Variants in CAMTA2 observed in about 807,000 individuals in gnomAD.
The protein encoded by CAMTA2 is calmodulin-binding transcription activator 2.
A neutral mutation model predicts 135.7 loss-of-function variants in CAMTA2; 56 were observed. The ratio of observed to expected loss-of-function variants is 0.41; its 90% CI spans 0.33 to 0.52. The LOEUF (loss-of-function observed/expected upper bound fraction) is 0.52. Among genes scored for constraint, CAMTA2 ranks in the 20% least tolerant of loss-of-function variants. The pLI, the probability that CAMTA2 is intolerant of heterozygous loss-of-function variation, is 0.16. For synonymous variants in CAMTA2, 591 were observed against 604.6 expected, an observed-to-expected ratio of 0.98 and a Z score of 0.33; for missense variants, 1,358 against 1,553.4, an observed-to-expected ratio of 0.87 and a Z score of 2.11.
rs774165860 is a variant in CAMTA2, at chr17:4,976,077, C to G, written c.1900+981G>C. ...CTGGAGTGCAGTGGCACAATCTTGG[C>G]TCATTGCAACTTCCGCCTCTCGGGT... On this transcript the variant is annotated intron_variant, in intron 11 of 22. Coordinates refer to ENST00000348066, the MANE Select transcript of CAMTA2 (RefSeq NM_015099.4). Among the ~76,000 whole-genome samples, 5 of 152,242 alleles carry G rather than the reference C, an allele frequency of 3.3e-5. No homozygotes were observed. In the East Asian group the frequency reaches 9.7e-4, roughly 30 times the overall value.
At position 4,979,800 on chromosome 17, in the gene CAMTA2, C is replaced by T. The variant is rs368955349; in HGVS notation, c.1522G>A (p.Asp508Asn). 3.7e-6 allele frequency: 6 copies of T among 1,613,712 alleles called. No homozygotes were observed. Among genetic ancestry groups the T allele is most frequent in the Non-Finnish European group, 5.1e-6 (6 of 1,179,894 alleles). ...LEPFSLSSFP[D>N]LMGELISDEA... ...TCACTGATGAGTTCTCCCATAAGGTCTGGGAATGATGAAAGACTGAAGGGC... is the reference window on the plus strand; with the variant it reads ...TCACTGATGAGTTCTCCCATAAGGTTTGGGAATGATGAAAGACTGAAGGGC... The change falls in exon 9 of 23, where the codon GAC becomes AAC. Residue 508 changes from aspartate (D) to asparagine (N), a missense_variant. Physicochemically the swap from Asp to Asn is conservative, Grantham distance 23. Coordinates refer to ENST00000348066, the MANE Select transcript of CAMTA2 (RefSeq NM_015099.4).
At position 4,986,070 on chromosome 17, in the gene CAMTA2, G is replaced by A; in HGVS notation, c.32-87C>T. 14 of 1,136,622 alleles carry A rather than the reference G, an allele frequency of 1.2e-5. 1 individual carries two copies. The South Asian group carries it at 1.7e-4, about 14-fold the overall frequency. The allele number at this position is 1,136,622 out of a possible 1,614,324, so 70.4% of individuals were successfully genotyped here. A position where few individuals can be genotyped will look rare whatever the true frequency, so the allele number is the denominator to read the frequency against. On this transcript the variant is annotated intron_variant, in intron 2 of 22. Coordinates refer to ENST00000348066, the MANE Select transcript of CAMTA2 (RefSeq NM_015099.4). The stretch of plus-strand genomic sequence containing the variant: ...AGGGGAAAGGGCTGAAGGCAATACA[G>A]AGCACTGGGGAAAACTGAAACCTCA...
At chr17:4,985,196 G>A (rs1354895979) in intron 3 of CAMTA2, among the ~76,000 whole-genome samples, 1 of 151,966 alleles carries the variant, frequency 6.6e-6, no homozygotes, top group Non-Finnish European at 1.5e-5. Context: ...CAAAAAAAAA[G>A]GCCCTGGAGT....
In CAMTA2 at chr17:4,981,291, T is replaced by C. The variant is rs1184124701; in HGVS notation, c.634A>G (p.Ile212Val). The change falls in exon 8 of 23, where the codon ATT (isoleucine) becomes GTT (valine). Residue 212 changes from isoleucine (I) to valine (V), a missense_variant. Ile to Val is a conservative substitution (Grantham distance 29, BLOSUM62 3). Around this residue, in one of 4 missense-constraint regions of CAMTA2, gnomAD observed 1,077 missense variants for 1,127.5 expected, o/e 0.96. Transcript: ENST00000348066. ...EFSVEHLVQQILDTHPTKPAP... is the reference protein window; with the variant it reads ...EFSVEHLVQQVLDTHPTKPAP... ...GGCTTGGTTGGGTGGGTGTCCAAAATCTGCTGCACCAGGTGTTCTACAGAG... is the reference window on the plus strand; with the variant it reads ...GGCTTGGTTGGGTGGGTGTCCAAAACCTGCTGCACCAGGTGTTCTACAGAG... 1.2e-6 allele frequency: 2 copies of C among 1,613,994 alleles called. No individual in the cohort carries two copies. The highest frequency in any genetic ancestry group is 1.3e-5 in the African/African-American group (1 of 74,912).
At position 4,974,376 on chromosome 17, in the gene CAMTA2, C is replaced by T. The variant is rs746445583; in HGVS notation, c.2016+9G>A. The T allele has an allele frequency of 1.9e-6, 3 of 1,581,278 alleles. No homozygotes were observed. Among genetic ancestry groups the T allele is most frequent in the Admixed American group, 3.3e-5 (2 of 59,974 alleles). On this transcript the variant is annotated intron_variant, in intron 12 of 22. Coordinates refer to ENST00000348066, the MANE Select transcript of CAMTA2 (RefSeq NM_015099.4). ...CCACCGTAGACCACCTCCCTCCTCA[C>T]AGAAGTACCTGAACTGGAGGAGCAT...
At chr17:4,974,547 G>A (rs74518904) in intron 11 of CAMTA2, 47 bp from the exon 12 acceptor site, 1 of 1,152,370 alleles carries the variant, frequency 8.7e-7, no homozygotes, top group Non-Finnish European at 1.3e-6. Context: ...TCTAGGTGAT[G>A]CCCTGAACAC....
chr17:4,977,633 C>T (rs1023577502), intron 10 of CAMTA2, among the ~76,000 whole-genome samples: 1 of 152,238 alleles, frequency 6.6e-6, no homozygotes, highest in African/African-American at 2.4e-5. Flanking sequence ...ATCCTAAGAC[C>T]AGGTGCTGAG....
intron 3 of CAMTA2, among the ~76,000 whole-genome samples, 166 bp downstream of exon 3, chr17:4,985,714 A>G (rs1973235743): frequency 6.6e-6 from 1 of 152,066 alleles, no homozygotes; most frequent in Admixed American, 6.5e-5. Context: ...ATGAGCCACC[A>G]TGCCCGGCCA....
At position 4,972,822 on chromosome 17, in the gene CAMTA2, G is replaced by T. The variant is rs1319305612; in HGVS notation, c.2450C>A (p.Pro817His). 6.2e-7 allele frequency: 1 copy of T among 1,613,844 alleles called. No homozygotes were observed. Among genetic ancestry groups the T allele is most frequent in the Non-Finnish European group, 8.5e-7 (1 of 1,180,052 alleles). ...TAGGGCAAATGGGGGCTCCACCGAA[G>T]GCTCCTGTCTCTGTAGTTCCTCAAG... ...RCLEELQRQE[P>H]SVEPPFALSP... Residue 817 changes from proline to histidine, a missense_variant, in exon 15 of 23, where the codon CCT becomes CAT. Physicochemically the swap from Pro to His is moderately conservative, Grantham distance 77 (BLOSUM62 -2). Transcript: ENST00000348066.
At position 4,970,102 on chromosome 17, in the gene CAMTA2, AAG is replaced by A. The variant is rs1196103570; in HGVS notation, c.3006-19_3006-18del. 1.2e-5 allele frequency: 20 copies of A among 1,611,542 alleles called. No individual in the cohort carries two copies. Among genetic ancestry groups the A allele is most frequent in the Admixed American group, 5.0e-5 (3 of 59,948 alleles). On this transcript the variant is annotated intron_variant, in intron 17 of 22. Coordinates refer to ENST00000348066, the MANE Select transcript of CAMTA2 (RefSeq NM_015099.4). ...GGCAGTTCGCTGTAGGCGGTAGGGA[AAG>A]AGGGTGTCATGAAGCATCTGAAGTC...
In CAMTA2 at chr17:4,973,699, G is replaced by T. The variant is rs777925457; in HGVS notation, c.2087C>A (p.Thr696Asn). ...VLVESMIPRS[T>N]WKGPERLAHG... ...GGCCAGACGTTCAGGACCCTTCCAG[G>T]TGGAGCGTGGGATCATGCTTTCTAC... Residue 696 changes from threonine (T) to asparagine (N), a missense_variant, in exon 13 of 23, where the codon ACC (threonine) becomes AAC (asparagine). Physicochemically the swap from Thr to Asn is moderately conservative, Grantham distance 65. Transcript: ENST00000348066. 2.5e-6 allele frequency: 4 copies of T among 1,614,236 alleles called. No homozygotes were observed. The East Asian group carries it at 8.9e-5, about 36-fold the overall frequency.
chr17:4,974,984 C>T (rs1167318348), intron 11 of CAMTA2, among the ~76,000 whole-genome samples: 3 of 152,190 alleles, frequency 2.0e-5, no homozygotes, highest in Admixed American at 2.0e-4. Flanking sequence ...CCCTTCCTCC[C>T]AGCCCCCCGC....
At chr17:4,981,123 C>T (rs1446028835) in intron 8 of CAMTA2, 102 bp downstream of exon 8, 3 of 1,413,032 alleles carry the variant, frequency 2.1e-6, no homozygotes, top group Non-Finnish European at 2.9e-6. Flanking sequence ...AAAAGACTTG[C>T]AAATCAGCAT....
At chr17:4,979,234 G>A (rs1972806870) in intron 9 of CAMTA2, among the ~76,000 whole-genome samples, 1 of 152,172 alleles carries the variant, frequency 6.6e-6, no homozygotes, top group Non-Finnish European at 1.5e-5. Flanking sequence ...TTGGCGGCTG[G>A]GCACGGTGGC....
intron 15 of CAMTA2, 91 bp downstream of exon 15, chr17:4,972,678 C>T: frequency 6.9e-7 from 1 of 1,443,382 alleles, no homozygotes. Context: ...GGTTTGTCTC[C>T]TCTCTTACTC....
chr17:4,987,204 G>A (rs1973403959), intron 1 of CAMTA2: 3 of 1,335,756 alleles, frequency 2.2e-6, no homozygotes, highest in East Asian at 3.1e-5. Flanking sequence ...CTGCACTTGG[G>A]CGGCGCCGGA....
At chr17:4,987,222 C>G in intron 1 of CAMTA2, 4 of 1,342,242 alleles carry the variant, frequency 3.0e-6, no homozygotes, top group Non-Finnish European at 3.8e-6. Flanking sequence ...GGATCGGACG[C>G]TTGGCACTCT....
At chr17:4,973,933 C>G in intron 12 of CAMTA2, 164 bp from the exon 13 acceptor site, 1 of 612,228 alleles carries the variant, frequency 1.6e-6, no homozygotes, top group Non-Finnish European at 2.8e-6. Context: ...GCCTGTGTCT[C>G]TTGCTCCCAC....
intron 11 of CAMTA2, among the ~76,000 whole-genome samples, chr17:4,976,732 G>A (rs1972639581): frequency 2.0e-5 from 3 of 152,098 alleles, no homozygotes; most frequent in African/African-American, 7.2e-5. Context: ...TAATAAATAA[G>A]TACATAAACT....
Sources: gnomAD v4.1 joint callset for allele counts (sites outside exome capture counted in the v4.1 genomes callset) on GRCh38, gnomAD v4.1.1 for gene constraint, gnomAD v4.1.1 regional missense constraint, MANE v1.5 for transcripts, NCBI Gene and HGNC (gene_info 2026-07-23, HGNC 2026-07-21) for gene names.